The following EPSTI1 variants were observed in gnomAD, a reference collection of about 807,000 sequenced individuals.
The protein encoded by EPSTI1 is epithelial-stromal interaction protein 1.
A neutral mutation model predicts 49.9 loss-of-function variants in EPSTI1; 66 were observed. That is an observed-to-expected ratio of 1.32 (90% CI 1.08 to 1.62). The LOEUF (loss-of-function observed/expected upper bound fraction) is 1.62. Ranked by LOEUF, EPSTI1 falls within the 40% of genes most tolerant of loss-of-function variation. EPSTI1 has a pLI of 0.00. For missense variants in EPSTI1, 394 were observed against 365.5 expected (o/e 1.08, Z -0.64); for synonymous variants, 137 against 130.7 (o/e 1.05, Z -0.33).
chr13:42,931,143 G>A (rs1407278597), intron 6 of EPSTI1, among the ~76,000 whole-genome samples: 1 of 150,846 alleles, frequency 6.6e-6, no homozygotes, highest in Non-Finnish European at 1.5e-5. Context: ...TCTTAAGTGA[G>A]CCTGCAAGGC....
chr13:42,948,021 T>C (rs1374595040), intron 6 of EPSTI1, among the ~76,000 whole-genome samples: 2 of 152,188 alleles, frequency 1.3e-5, no homozygotes, highest in African/African-American at 4.8e-5. Context: ...CGGAGTTGGG[T>C]CCGTCTGCAG....
intron 6 of EPSTI1, among the ~76,000 whole-genome samples, chr13:42,943,714 A>C (rs555544571): frequency 6.6e-6 from 1 of 152,300 alleles, no homozygotes; most frequent in Non-Finnish European, 1.5e-5. Context: ...CATACAGAGA[A>C]AGACAAAAAC....
Position 42,895,054 on chromosome 13 carries a change from G to C in EPSTI1, c.870C>G (p.Leu290=). 2 of 1,613,532 alleles carry C rather than the reference G, an allele frequency of 1.2e-6. No homozygotes were observed. The highest frequency in any genetic ancestry group is 1.7e-6 in the Non-Finnish European group (2 of 1,179,708). The change falls in exon 10 of 11, where the codon CTC becomes CTG. Residue 290 remains leucine, a synonymous_variant. Transcript: ENST00000313624. ...TATTCCAACAGCCTCCAGATTGCTC[G>C]AGGCCACCTGGTTGACTTTTGCCTT... The part of the protein sequence containing the change: ...RLQGKSQPGG[L]EQSGGCWNMN...
chr13:42,950,734 T>C lies in EPSTI1; in HGVS notation c.563+3214A>G, dbSNP rs185311211. Among the ~76,000 whole-genome samples the C allele has an allele frequency of 8.8e-4, 134 of 152,338 alleles. 1 individual carries two copies. Among genetic ancestry groups the C allele is most frequent in the African/African-American group, 3.0e-3 (125 of 41,576 alleles). On this transcript the variant is annotated intron_variant, in intron 6 of 10. Coordinates refer to ENST00000313624, the MANE Select transcript of EPSTI1 (RefSeq NM_033255.5). ...ATGGTGAAACTAGCAAAGTATTGAC[T>C]GGTTTGAAAGAATTTCTTATGTACG...
intron 3 of EPSTI1, among the ~76,000 whole-genome samples, 140 bp downstream of exon 3, chr13:42,968,933 CACACACACACACACACACACA>C (rs1566169165): frequency 7.8e-6 from 1 of 128,286 alleles, no homozygotes; most frequent in Non-Finnish European, 1.6e-5. Flanking sequence ...CACACACACA[CACACACACACACACACACACA>C]ATTAAATGCA....
chr13:42,972,919 G>T (rs1486384889), intron 1 of EPSTI1, among the ~76,000 whole-genome samples: 1 of 152,176 alleles, frequency 6.6e-6, no homozygotes, highest in Non-Finnish European at 1.5e-5. Context: ...AAGTGGGAAT[G>T]ATGTAAGTAC....
At chr13:42,953,432 C>T (rs1449048189) in intron 6 of EPSTI1, among the ~76,000 whole-genome samples, 2 of 152,156 alleles carry the variant, frequency 1.3e-5, no homozygotes, top group Non-Finnish European at 2.9e-5. Flanking sequence ...GTAGTAGTTG[C>T]CCTGTATCTG....
intron 8 of EPSTI1, among the ~76,000 whole-genome samples, chr13:42,902,232 C>CTTT (rs11431398): frequency 3.8e-4 from 57 of 149,206 alleles, no homozygotes; most frequent in Admixed American, 1.1e-3. Context: ...TCTCTTACAA[C>CTTT]TTTTTTTTTT....
chr13:42,917,512 A>C (rs375655517), intron 8 of EPSTI1, 29 bp downstream of exon 8: 415 of 1,563,896 alleles, frequency 2.7e-4, no homozygotes, highest in Admixed American at 5.4e-4. Context: ...ATAAACAGTT[A>C]GCAATAACTA....
At chr13:42,971,706 T>C (rs934549693) in intron 1 of EPSTI1, among the ~76,000 whole-genome samples, 4 of 152,252 alleles carry the variant, frequency 2.6e-5, no homozygotes, top group Admixed American at 2.0e-4. Context: ...GATTGAACTG[T>C]AGAGGCCAAA....
chr13:42,919,433 T>C lies in EPSTI1; in HGVS notation c.658-1809A>G, dbSNP rs111341730. The stretch of plus-strand genomic sequence containing the variant: ...CTGTATTCACATAATTTGTCTAACA[T>C]TGAAATATTCATTTAATACAATACC... On this transcript the variant is annotated intron_variant, in intron 7 of 10. Transcript: ENST00000313624. 357 of 1,082,196 alleles carry C rather than the reference T, an allele frequency of 3.3e-4. 2 individuals are homozygous for C. In the African/African-American group the frequency reaches 4.4e-3, roughly 13 times the overall value. The allele number at this position is 1,082,196 out of a possible 1,614,324, so 67.0% of individuals were successfully genotyped here. A position where few individuals can be genotyped will look rare whatever the true frequency, so the allele number is the denominator to read the frequency against.
chr13:42,943,044 T>C (rs1268677709), intron 6 of EPSTI1, among the ~76,000 whole-genome samples: 1 of 152,246 alleles, frequency 6.6e-6, no homozygotes, highest in Non-Finnish European at 1.5e-5. Context: ...TGTCACTGTC[T>C]TCTTTGTTCA....
At chr13:42,967,670 A>G (rs1403497759) in intron 3 of EPSTI1, among the ~76,000 whole-genome samples, 3 of 152,224 alleles carry the variant, frequency 2.0e-5, no homozygotes, top group Non-Finnish European at 2.9e-5. Context: ...AATCGTCTGT[A>G]TCAGGGAAAT....
At chr13:42,961,292 C>T (rs1488316075) in intron 5 of EPSTI1, among the ~76,000 whole-genome samples, 1 of 152,042 alleles carries the variant, frequency 6.6e-6, no homozygotes, top group Non-Finnish European at 1.5e-5. Context: ...ATTTCCACAT[C>T]GTAAATATTT....
At chr13:42,967,322 T>C (rs1376374131) in intron 3 of EPSTI1, among the ~76,000 whole-genome samples, 2 of 149,952 alleles carry the variant, frequency 1.3e-5, no homozygotes, top group Admixed American at 6.6e-5. Flanking sequence ...GAAAATCAGC[T>C]GGAGACCTCA....
chr13:42,908,147 A>C (rs2037551324), intron 8 of EPSTI1, among the ~76,000 whole-genome samples: 1 of 152,258 alleles, frequency 6.6e-6, no homozygotes, highest in Non-Finnish European at 1.5e-5. Context: ...AAAATGGATT[A>C]AAGACTTTAA....
intron 8 of EPSTI1, among the ~76,000 whole-genome samples, chr13:42,902,805 A>G (rs1164524530): frequency 6.6e-6 from 1 of 152,200 alleles, no homozygotes; most frequent in African/African-American, 2.4e-5. Flanking sequence ...CAAGAGCTAA[A>G]TAGCTTATTA....
At chr13:42,928,010 G>C (rs1347715574) in intron 6 of EPSTI1, among the ~76,000 whole-genome samples, 1 of 152,206 alleles carries the variant, frequency 6.6e-6, no homozygotes, top group Admixed American at 6.5e-5. Context: ...CAGCCCTTCA[G>C]TTTACTGACT....
intron 9 of EPSTI1, among the ~76,000 whole-genome samples, chr13:42,897,775 T>C (rs993245517): frequency 1.3e-5 from 2 of 152,170 alleles, no homozygotes; most frequent in African/African-American, 4.8e-5. Flanking sequence ...CAACCAGAGA[T>C]AATGGGTGGG....
Sources: gnomAD v4.1 joint callset for allele counts (sites outside exome capture counted in the v4.1 genomes callset) on GRCh38, gnomAD v4.1.1 for gene constraint, MANE v1.5 for transcripts, NCBI Gene and HGNC (gene_info 2026-07-23, HGNC 2026-07-21) for gene names.